CORO2A: variants seen among roughly 807,000 people sequenced by gnomAD.
CORO2A encodes coronin-2A.
In CORO2A, 47 loss-of-function variants were observed where a neutral mutation model predicts 62.4. The ratio of observed to expected loss-of-function variants is 0.75; its 90% CI spans 0.60 to 0.96. The LOEUF is 0.96. CORO2A is among the 40% of genes least tolerant of loss of function. The probability of loss-of-function intolerance (pLI) is 0.00; values close to 1 mark genes in which losing one functional copy is unlikely to be tolerated. For synonymous variants in CORO2A, 273 were observed against 268.9 expected (o/e 1.02, Z -0.15); for missense variants, 610 against 684.1 (o/e 0.89, Z 1.21).
At chr9:98,141,362 T>C (rs1827564741) in intron 2 of CORO2A, among the ~76,000 whole-genome samples, 1 of 150,924 alleles carries the variant, frequency 6.6e-6, no homozygotes, top group Non-Finnish European at 1.5e-5. Context: ...TTTTTTTTTT[T>C]TTTTTTGGAC....
At position 98,126,788 on chromosome 9, in the gene CORO2A, G is replaced by C; in HGVS notation, c.1207C>G (p.Leu403Val). The change falls in exon 11 of 12, where the codon CTG becomes GTG. Residue 403 changes from leucine (L) to valine (V), a missense_variant. Physicochemically the swap from Leu to Val is conservative, Grantham distance 32 (BLOSUM62 1). Transcript: ENST00000375077. The part of the protein sequence containing the change: ...ILVSLRPGSE[L>V]LRPHPLPAER... Reference sequence around the variant, plus strand: ...GCAGGCAGTGGGTGGGGTCTCAGCAGCTCAGAGCCAGGCCTAAGGGACACC... The same window carrying C: ...GCAGGCAGTGGGTGGGGTCTCAGCACCTCAGAGCCAGGCCTAAGGGACACC... 1 of 1,614,210 alleles carries C rather than the reference G, an allele frequency of 6.2e-7. No homozygotes were observed. The highest frequency in any genetic ancestry group is 8.5e-7 in the Non-Finnish European group (1 of 1,180,042).
At chr9:98,175,244 G>T (rs959959284) in intron 1 of CORO2A, among the ~76,000 whole-genome samples, 1 of 152,026 alleles carries the variant, frequency 6.6e-6, no homozygotes, top group African/African-American at 2.4e-5. Context: ...GCTCGGTAGG[G>T]TGGGGAGGCC....
In CORO2A at chr9:98,131,000, A is replaced by C. The variant is rs1827397007; in HGVS notation, c.825T>G (p.Phe275Leu). Reference protein sequence around the residue: ...EDLDGSSGVLFPFYDADTSML... With the variant: ...EDLDGSSGVLLPFYDADTSML... ...TGCTGGTGTCCGCGTCATAGAAGGG[A>C]AACAGCACGCCCGAGGAGCCGTCCA... Residue 275 changes from phenylalanine to leucine, a missense_variant, in exon 7 of 12, where the codon TTT (phenylalanine) becomes TTG (leucine). By Grantham distance (22) the Phe-to-Leu change is conservative (BLOSUM62 0). Coordinates refer to ENST00000375077, the MANE Select transcript of CORO2A (RefSeq NM_052820.4). The C allele has an allele frequency of 1.2e-6, 2 of 1,613,988 alleles. No individual in the cohort carries two copies. The highest frequency in any genetic ancestry group is 8.5e-7 in the Non-Finnish European group (1 of 1,179,952).
intron 2 of CORO2A, among the ~76,000 whole-genome samples, chr9:98,146,386 AC>A (rs1564206257): frequency 6.6e-6 from 1 of 151,794 alleles, no homozygotes; most frequent in Non-Finnish European, 1.5e-5. Context: ...TAACCAGCTC[AC>A]CCTGGGTCAC....
At chr9:98,150,376 CAT>C (rs1260960745) in intron 2 of CORO2A, among the ~76,000 whole-genome samples, 2 of 152,168 alleles carry the variant, frequency 1.3e-5, no homozygotes, top group African/African-American at 4.8e-5. Flanking sequence ...GGTCACAGCA[CAT>C]GTGTCCACGT....
chr9:98,149,597 G>A (rs562678488), intron 2 of CORO2A, among the ~76,000 whole-genome samples: 46 of 152,312 alleles, frequency 3.0e-4, no homozygotes, highest in African/African-American at 1.0e-3. Flanking sequence ...CGCAGGCCAC[G>A]GGGAGGTGTC....
chr9:98,137,727 A>C lies in CORO2A; in HGVS notation c.202-39T>G, dbSNP rs1054118284. 6.2e-6 allele frequency: 9 copies of C among 1,446,910 alleles called. No individual in the cohort carries two copies. In the African/African-American group the frequency reaches 1.1e-4, roughly 18 times the overall value. The allele number at this position is 1,446,910 out of a possible 1,614,324, so 89.6% of individuals were successfully genotyped here. A position where few individuals can be genotyped will look rare whatever the true frequency, so the allele number is the denominator to read the frequency against. Reference sequence around the variant, plus strand: ...CCCAGGAGGGTTGGGGAGGAGGTGGATTCCACATTAGCATCTGGACAGTCA... The same window carrying C: ...CCCAGGAGGGTTGGGGAGGAGGTGGCTTCCACATTAGCATCTGGACAGTCA... On this transcript the variant is annotated intron_variant, in intron 2 of 11. Coordinates refer to ENST00000375077, the MANE Select transcript of CORO2A (RefSeq NM_052820.4).
chr9:98,133,036 A>C lies in CORO2A; in HGVS notation c.648+2T>G, dbSNP rs1051012107. On this transcript the variant is annotated splice_donor_variant, in intron 5 of 11. Transcript: ENST00000375077. LOFTEE classifies it high-confidence loss of function. ...TGAGCCAGCCCCTGGCCCAGAACTG[A>C]CCTGGAGGACGGTCCCTGCTCGGGG... 2 of 1,613,978 alleles carry C rather than the reference A, an allele frequency of 1.2e-6. No homozygotes were observed. Among genetic ancestry groups the C allele is most frequent in the Admixed American group, 3.3e-5 (2 of 59,996 alleles).
intron 1 of CORO2A, among the ~76,000 whole-genome samples, chr9:98,178,576 A>G (rs1828139015): frequency 6.6e-6 from 1 of 152,196 alleles, no homozygotes; most frequent in Non-Finnish European, 1.5e-5. Flanking sequence ...CAGACTAAAG[A>G]GTAAGGGAGT....
In CORO2A at chr9:98,134,768, T is replaced by C; in HGVS notation, c.468+38A>G. ...CATTGTATTCCAGTTTGTGGGAACT[T>C]GTTGGGGCTGCCCCAGAGAAAGAAT... On this transcript the variant is annotated intron_variant, in intron 4 of 11. Transcript: ENST00000375077. 5 of 1,561,834 alleles carry C rather than the reference T, an allele frequency of 3.2e-6. No individual in the cohort carries two copies. The East Asian group carries it at 9.3e-5, about 29-fold the overall frequency.
intron 1 of CORO2A, among the ~76,000 whole-genome samples, chr9:98,192,217 CAG>C (rs1382271790): frequency 6.6e-6 from 1 of 152,228 alleles, no homozygotes; most frequent in Non-Finnish European, 1.5e-5. Flanking sequence ...TGGCCGCGCC[CAG>C]AGTGAGCTTC....
chr9:98,154,352 TACACAA>T (rs1827773799), intron 2 of CORO2A, among the ~76,000 whole-genome samples: 127 of 93,714 alleles, frequency 1.4e-3, no homozygotes, highest in Middle Eastern at 5.6e-3. Context: ...TATATATATA[TACACAA>T]ATACATATAT....
At chr9:98,157,306 G>A (rs758041069) in intron 2 of CORO2A, 154 bp downstream of exon 2, 28 of 706,122 alleles carry the variant, frequency 4.0e-5, no homozygotes, top group Non-Finnish European at 6.5e-5. Flanking sequence ...TTCCCAGTGA[G>A]GAAACCAAGG....
chr9:98,133,100 C>G lies in CORO2A; in HGVS notation c.586G>C (p.Ala196Pro). The G allele has an allele frequency of 6.2e-7, 1 of 1,614,226 alleles. No homozygotes were observed. The highest frequency in any genetic ancestry group is 1.1e-5 in the South Asian group (1 of 91,086). The part of the protein sequence containing the change: ...MSFNTNGSLL[A>P]TTCKDRKIRV... ...ATCTTGCGGTCTTTGCAGGTGGTGG[C>G]CAACAGGCTGCCGTTGGTGTTGAAG... Residue 196 changes from alanine to proline, a missense_variant, in exon 5 of 12, where the codon GCC (alanine) becomes CCC (proline). Coordinates refer to ENST00000375077, the MANE Select transcript of CORO2A (RefSeq NM_052820.4).
Position 98,157,471 on chromosome 9 carries a change from G to T in CORO2A, c.190C>A (p.Pro64Thr), listed in dbSNP as rs766462636. 13 of 1,614,162 alleles carry T rather than the reference G, an allele frequency of 8.1e-6. No homozygotes were observed. The Admixed American group carries it at 2.2e-4, about 27-fold the overall frequency. Residue 64 changes from proline to threonine, a missense_variant, in exon 2 of 12, where the codon CCC (proline) becomes ACC (threonine). By Grantham distance (38) the Pro-to-Thr change is conservative (BLOSUM62 -1). Transcript: ENST00000375077. ...GGGGGTGTCCTTACCTGGTGCAGGGGGATGACGAGGAAGGCCCCTCCACCA... is the reference window on the plus strand; with the variant it reads ...GGGGGTGTCCTTACCTGGTGCAGGGTGATGACGAGGAAGGCCCCTCCACCA... The part of the protein sequence containing the change: ...CAGGGAFLVI[P>T]LHQTGKLDPH...
intron 1 of CORO2A, among the ~76,000 whole-genome samples, chr9:98,171,597 G>A (rs1421861399): frequency 6.6e-6 from 1 of 152,190 alleles, no homozygotes; most frequent in Non-Finnish European, 1.5e-5. Flanking sequence ...GGAAATCTGG[G>A]AAGTCAGGGA....
At position 98,121,557 on chromosome 9, in the gene CORO2A, C is replaced by T. The variant is rs1472988434; in HGVS notation, c.*3217G>A. ...AAAGTTTGTTCAAAGACACCTGTGTCCTGTTTGTTAAGTGTGCAGTCTGGG... is the reference window on the plus strand; with the variant it reads ...AAAGTTTGTTCAAAGACACCTGTGTTCTGTTTGTTAAGTGTGCAGTCTGGG... On this transcript the variant is annotated 3_prime_UTR_variant, in exon 12 of 12. Coordinates refer to ENST00000375077, the MANE Select transcript of CORO2A (RefSeq NM_052820.4). 2 of 152,160 alleles carry T rather than the reference C, an allele frequency of 1.3e-5. No individual in the cohort carries two copies. Among genetic ancestry groups the T allele is most frequent in the Admixed American group, 6.5e-5 (1 of 15,268 alleles). The allele number at this position is 152,160 out of a possible 1,614,324, so 9.4% of individuals were successfully genotyped here. A position where few individuals can be genotyped will look rare whatever the true frequency, so the allele number is the denominator to read the frequency against.
intron 7 of CORO2A, among the ~76,000 whole-genome samples, chr9:98,130,238 G>A (rs998279638): frequency 1.3e-5 from 2 of 152,026 alleles, no homozygotes; most frequent in African/African-American, 4.8e-5. Flanking sequence ...GTGCCACCAC[G>A]CCTGGCTAAT....
intron 1 of CORO2A, among the ~76,000 whole-genome samples, chr9:98,176,360 C>T (rs926818161): frequency 9.2e-5 from 14 of 152,198 alleles, no homozygotes; most frequent in Admixed American, 6.5e-4. Context: ...CCCAGCACCC[C>T]ACGTAAACAG....
Sources: gnomAD v4.1 joint callset for allele counts (sites outside exome capture counted in the v4.1 genomes callset) on GRCh38, gnomAD v4.1.1 for gene constraint, MANE v1.5 for transcripts, NCBI Gene and HGNC (gene_info 2026-07-23, HGNC 2026-07-21) for gene names.